The following RASGEF1C variants were observed in gnomAD, a reference collection of about 807,000 sequenced individuals.
The protein encoded by RASGEF1C is RasGEF domain family member 1C, also known as ras-GEF domain-containing family member 1C.
Under a neutral mutation model 58.1 loss-of-function variants are expected in RASGEF1C, and 27 were observed. The observed-to-expected ratio is 0.46, with a 90% confidence interval of 0.34 to 0.64. The LOEUF is 0.64. Among genes scored for constraint, RASGEF1C ranks in the 30% least tolerant of loss-of-function variants. RASGEF1C has a pLI of 0.01. For missense variants in RASGEF1C, 502 were observed against 605.1 expected (o/e 0.83, Z 1.79); for synonymous variants, 243 against 246.3 (o/e 0.99, Z 0.13).
chr5:180,103,324 G>T (rs188383173), intron 12 of RASGEF1C, among the ~76,000 whole-genome samples: 10 of 152,144 alleles, frequency 6.6e-5, no homozygotes, highest in African/African-American at 1.9e-4. Context: ...TGATCCGCCC[G>T]CCTCGGCCTC....
At chr5:180,160,890 ATC>A (rs1456035486) in intron 1 of RASGEF1C, among the ~76,000 whole-genome samples, 6 of 152,240 alleles carry the variant, frequency 3.9e-5, no homozygotes, top group Admixed American at 1.3e-4. Context: ...CCTTTAGAGC[ATC>A]TGTGTTTACA....
chr5:180,182,434 A>T (rs907737552), intron 1 of RASGEF1C, among the ~76,000 whole-genome samples: 1 of 151,970 alleles, frequency 6.6e-6, no homozygotes, highest in Admixed American at 6.6e-5. Context: ...GACCAAAAGA[A>T]CTCAGCTTCC....
intron 1 of RASGEF1C, among the ~76,000 whole-genome samples, chr5:180,147,201 A>G (rs1317044082): frequency 6.6e-6 from 1 of 151,598 alleles, no homozygotes; most frequent in Non-Finnish European, 1.5e-5. Flanking sequence ...CTTTTTTTTC[A>G]GTCAGTCTAG....
At chr5:180,136,294 G>C (rs905092669) in intron 4 of RASGEF1C, 84 bp downstream of exon 4, 8 of 1,357,864 alleles carry the variant, frequency 5.9e-6, no homozygotes, top group African/African-American at 4.3e-5. Flanking sequence ...GGGGAGATGA[G>C]GGCCCTGGGG....
intron 6 of RASGEF1C, among the ~76,000 whole-genome samples, chr5:180,121,682 C>CACACACACACACACACACACACACA: frequency 3.0e-5 from 1 of 33,480 alleles, no homozygotes; most frequent in Non-Finnish European, 5.8e-5. Flanking sequence ...CACACACACA[C>CACACACACACACACACACACACACA]CCTCATTATT....
intron 12 of RASGEF1C, among the ~76,000 whole-genome samples, chr5:180,104,557 T>C (rs1376767274): frequency 1.3e-5 from 2 of 152,196 alleles, no homozygotes; most frequent in Non-Finnish European, 2.9e-5. Context: ...TTACCCAGTC[T>C]AAGGTATTTT....
chr5:180,151,055 T>G (rs1291208109), intron 1 of RASGEF1C, among the ~76,000 whole-genome samples: 3 of 151,444 alleles, frequency 2.0e-5, no homozygotes, highest in Non-Finnish European at 2.9e-5. Flanking sequence ...CACTGCTCAA[T>G]GAAATAAAAG....
intron 1 of RASGEF1C, among the ~76,000 whole-genome samples, chr5:180,186,986 C>T (rs773401612): frequency 7.2e-5 from 11 of 152,038 alleles, no homozygotes; most frequent in Admixed American, 6.6e-5. Flanking sequence ...AAAAAAACCA[C>T]CCATCTTAAA....
chr5:180,126,718 G>A (rs1766269161), intron 6 of RASGEF1C, among the ~76,000 whole-genome samples: 1 of 152,188 alleles, frequency 6.6e-6, no homozygotes, highest in Non-Finnish European at 1.5e-5. Context: ...TGGGTGACAA[G>A]GCAATCTGCC....
At chr5:180,193,062 GTT>G (rs1491344781) in intron 1 of RASGEF1C, among the ~76,000 whole-genome samples, 1 of 123,664 alleles carries the variant, frequency 8.1e-6, no homozygotes, top group African/African-American at 3.0e-5. Context: ...TTTTGTTGTT[GTT>G]TTGTTTTTTG....
chr5:180,199,914 C>G (rs1033757557), intron 1 of RASGEF1C, among the ~76,000 whole-genome samples: 1 of 152,124 alleles, frequency 6.6e-6, no homozygotes, highest in Admixed American at 6.6e-5. Flanking sequence ...TGTCTTGATT[C>G]CTGTAGCTTA....
At chr5:180,192,288 C>G (rs576560725) in intron 1 of RASGEF1C, among the ~76,000 whole-genome samples, 77 of 152,188 alleles carry the variant, frequency 5.1e-4, no homozygotes, top group Non-Finnish European at 7.1e-4. Context: ...CAGCAATGGA[C>G]AGGAAGAAGA....
At chr5:180,121,523 C>T (rs1325200798) in intron 6 of RASGEF1C, among the ~76,000 whole-genome samples, 2 of 152,078 alleles carry the variant, frequency 1.3e-5, no homozygotes, top group East Asian at 3.9e-4. Flanking sequence ...CTGTGTTAGC[C>T]AGGATGGTCT....
At chr5:180,101,603 CT>C in intron 13 of RASGEF1C, 78 bp from the exon 14 acceptor site, 1 of 1,557,752 alleles carries the variant, frequency 6.4e-7, no homozygotes, top group Non-Finnish European at 8.8e-7. Flanking sequence ...AGCACAGCCA[CT>C]TTCTCAGTGC....
At chr5:180,189,295 T>TAA (rs1322627317) in intron 1 of RASGEF1C, among the ~76,000 whole-genome samples, 1 of 152,212 alleles carries the variant, frequency 6.6e-6, no homozygotes, top group African/African-American at 2.4e-5. Context: ...AACACGTAAG[T>TAA]AAGTGTCTGT....
intron 1 of RASGEF1C, among the ~76,000 whole-genome samples, chr5:180,165,544 G>A (rs867503167): frequency 1.1e-4 from 17 of 151,188 alleles, no homozygotes; most frequent in African/African-American, 4.1e-4. Flanking sequence ...TGTGGCATGG[G>A]CCTGTATTCC....
At chr5:180,112,888 G>GA (rs1765982196) in intron 11 of RASGEF1C, among the ~76,000 whole-genome samples, 1 of 149,334 alleles carries the variant, frequency 6.7e-6, no homozygotes, top group Admixed American at 6.6e-5. Flanking sequence ...CGGAGGGACC[G>GA]GGGATGGACG....
intron 10 of RASGEF1C, among the ~76,000 whole-genome samples, chr5:180,118,277 C>T (rs559320828): frequency 6.6e-6 from 1 of 152,212 alleles, no homozygotes; most frequent in African/African-American, 2.4e-5. Flanking sequence ...GCCGCTGACT[C>T]CGGAGAAGAG....
intron 1 of RASGEF1C, among the ~76,000 whole-genome samples, chr5:180,145,372 C>T (rs1289157164): frequency 6.6e-6 from 1 of 152,210 alleles, no homozygotes; most frequent in Non-Finnish European, 1.5e-5. Flanking sequence ...CTGCCCGCCT[C>T]AGCCTCCCAA....
Sources: gnomAD v4.1 joint callset for allele counts (sites outside exome capture counted in the v4.1 genomes callset) on GRCh38, gnomAD v4.1.1 for gene constraint, MANE v1.5 for transcripts, NCBI Gene and HGNC (gene_info 2026-07-23, HGNC 2026-07-21) for gene names.